C11orf65: variants seen among roughly 807,000 people sequenced by gnomAD.
C11orf65 encodes the protein chromosome 11 open reading frame 65, also known as protein MFI.
Under a neutral mutation model 35.3 loss-of-function variants are expected in C11orf65, and 38 were observed. The ratio of observed to expected loss-of-function variants is 1.08; its 90% confidence interval spans 0.83 to 1.41. The LOEUF is 1.41. Among genes scored for constraint, C11orf65 ranks in the 40% most tolerant of loss-of-function variants. The pLI is 0.00. For synonymous variants in C11orf65, 105 were observed against 114.4 expected, an observed-to-expected ratio of 0.92 and a Z score of 0.53; for missense variants, 370 against 367.1, an observed-to-expected ratio of 1.01 and a Z score of -0.06.
chr11:108,465,828 T>C (rs373943671), intron 1 of C11orf65, among the ~76,000 whole-genome samples: 14 of 151,536 alleles, frequency 9.2e-5, no homozygotes, highest in African/African-American at 3.4e-4. Context: ...CTACTAAAAA[T>C]ACAAAATTAG....
downstream of C11orf65, among the ~76,000 whole-genome samples, chr11:108,377,836 AACAG>A (rs1194879054): frequency 1.3e-5 from 2 of 152,040 alleles, no homozygotes; most frequent in African/African-American, 4.8e-5. Context: ...ATACACCAAT[AACAG>A]ACAAACAGAG....
chr11:108,426,543 G>C (rs990414155), intron 3 of C11orf65, among the ~76,000 whole-genome samples: 1 of 152,068 alleles, frequency 6.6e-6, no homozygotes, highest in Non-Finnish European at 1.5e-5. Context: ...TGAATAGGAA[G>C]AATCAATACT....
intron 2 of C11orf65, among the ~76,000 whole-genome samples, chr11:108,356,642 G>C (rs2089961070): frequency 6.6e-6 from 1 of 151,988 alleles, no homozygotes; most frequent in African/African-American, 2.4e-5. Context: ...AGTCAGAAGG[G>C]ATTTTTATGC....
chr11:108,442,643 A>G (rs1173855118), intron 2 of C11orf65, among the ~76,000 whole-genome samples: 1 of 152,226 alleles, frequency 6.6e-6, no homozygotes, highest in Non-Finnish European at 1.5e-5. Context: ...GAAACTCTAC[A>G]AGCCAGAAGA....
chr11:108,449,499 G>A (rs943850108), intron 2 of C11orf65, among the ~76,000 whole-genome samples: 2 of 151,948 alleles, frequency 1.3e-5, no homozygotes, highest in Admixed American at 6.5e-5. Flanking sequence ...ACAACCATCT[G>A]CTCTTTGACA....
At chr11:108,365,541 C>T in intron 2 of C11orf65, 1 of 1,604,020 alleles carries the variant, frequency 6.2e-7, no homozygotes, top group South Asian at 1.1e-5. Context: ...TTCATTCAGC[C>T]TTTAGAAATT....
chr11:108,452,207 A>T lies in C11orf65; in HGVS notation c.81+9272T>A, dbSNP rs534989300. ...GCACAGCAAAAGAAACTACCATCAG[A>T]GTGAACAGGCAACCTACAGAATGGG... On this transcript the variant is annotated intron_variant, in intron 2 of 8. Transcript: ENST00000393084. 2.5e-3 allele frequency among the ~76,000 whole-genome samples: 377 copies of T among 152,314 alleles called. 2 individuals are homozygous for T. Among genetic ancestry groups the T allele is most frequent in the African/African-American group, 8.8e-3 (364 of 41,580 alleles).
At position 108,406,835 on chromosome 11, in the gene C11orf65, A is replaced by T; in HGVS notation, c.357T>A (p.His119Gln). The change falls in exon 5 of 9, where the codon CAT becomes CAA. Residue 119 changes from histidine (H) to glutamine (Q), a missense_variant. Physicochemically the swap from His to Gln is conservative, Grantham distance 24 (BLOSUM62 0). Transcript: ENST00000393084. ...AGCCACTATGATCCTCTTCCTGAAG[A>T]TGATCATTTTTATTATGAGATGTAT... ...AKHTSHNKND[H>Q]LQEEDHSGWY... 3.1e-6 allele frequency: 5 copies of T among 1,613,386 alleles called. No individual in the cohort carries two copies. Among genetic ancestry groups the T allele is most frequent in the Non-Finnish European group, 2.5e-6 (3 of 1,179,598 alleles).
intron 6 of C11orf65, among the ~76,000 whole-genome samples, chr11:108,311,216 C>T (rs761774132): frequency 3.8e-4 from 58 of 152,122 alleles, no homozygotes; most frequent in Middle Eastern, 3.2e-3. Flanking sequence ...TTCAAGCAGT[C>T]CTCCCACCTC....
At chr11:108,466,911 G>A (rs552947807) in intron 1 of C11orf65, among the ~76,000 whole-genome samples, 42 of 152,220 alleles carry the variant, frequency 2.8e-4, no homozygotes, top group African/African-American at 1.0e-3. Flanking sequence ...AATGATTCGC[G>A]TGGCCTTTAT....
chr11:108,336,304 G>A (rs1016722130), intron 2 of C11orf65: 6 of 198,462 alleles, frequency 3.0e-5, no homozygotes, highest in Non-Finnish European at 5.2e-5. Context: ...GCAAGATCCC[G>A]TTTAAAAAAG....
chr11:108,341,497 G>A (rs1309602335), intron 2 of C11orf65, among the ~76,000 whole-genome samples: 1 of 152,020 alleles, frequency 6.6e-6, no homozygotes, highest in African/African-American at 2.4e-5. Flanking sequence ...CAGTGCCCTA[G>A]CCCTGTGTGT....
rs2136699335 is a variant in C11orf65 at position 108,335,942 on chromosome 11, T to C, written c.227-650A>G. On this transcript the variant is annotated intron_variant, in intron 2 of 3. Transcript: ENST00000524755. ...AACACGGAAACTAGGAAGAGGAAATTAACTATCTGTACTTATAAGGTAACT... is the reference window on the plus strand; with the variant it reads ...AACACGGAAACTAGGAAGAGGAAATCAACTATCTGTACTTATAAGGTAACT... The C allele has an allele frequency of 6.2e-7, 1 of 1,610,342 alleles. No individual in the cohort carries two copies. The highest frequency in any genetic ancestry group is 8.5e-7 in the Non-Finnish European group (1 of 1,176,626).
intron 2 of C11orf65, among the ~76,000 whole-genome samples, chr11:108,453,907 C>T (rs914534108): frequency 3.9e-5 from 6 of 152,116 alleles, no homozygotes; most frequent in Admixed American, 6.6e-5. Flanking sequence ...CTCATGTTGG[C>T]TTTGTAAATG....
At chr11:108,407,323 T>A (rs887143788) in intron 3 of C11orf65, among the ~76,000 whole-genome samples, 174 bp from the exon 4 acceptor site, 24 of 152,064 alleles carry the variant, frequency 1.6e-4, no homozygotes, top group Middle Eastern at 3.4e-3. Flanking sequence ...GTTAAAAAAA[T>A]TTTTTTGAGA....
At chr11:108,432,005 T>C (rs2092996812) in intron 2 of C11orf65, among the ~76,000 whole-genome samples, 167 bp from the exon 3 acceptor site, 1 of 152,208 alleles carries the variant, frequency 6.6e-6, no homozygotes, top group Non-Finnish European at 1.5e-5. Flanking sequence ...TTGATAACCC[T>C]AGTAGTATTA....
intron 6 of C11orf65, chr11:108,309,187 GAAC>G: frequency 1.8e-6 from 1 of 563,076 alleles, no homozygotes; most frequent in Non-Finnish European, 3.1e-6. Flanking sequence ...CAAAAACAAA[GAAC>G]AACAATAAAA....
chr11:108,411,845 T>C (rs1378990985), intron 3 of C11orf65, among the ~76,000 whole-genome samples: 1 of 151,812 alleles, frequency 6.6e-6, no homozygotes, highest in Non-Finnish European at 1.5e-5. Context: ...TGGAGTGCAG[T>C]GGTGTGATCT....
In C11orf65 at chr11:108,403,409, G is replaced by GTTTTTTTTTTT. The variant is rs71047691; in HGVS notation, c.560+2019_560+2020insAAAAAAAAAAA. Among the ~76,000 whole-genome samples the GTTTTTTTTTTT allele has an allele frequency of 6.7e-4, 45 of 67,280 alleles. 2 individuals are homozygous for GTTTTTTTTTTT. Among genetic ancestry groups the GTTTTTTTTTTT allele is most frequent in the Non-Finnish European group, 9.7e-4 (35 of 36,196 alleles). The allele number at this position is 67,280 out of a possible 152,430, so 44.1% of individuals were successfully genotyped here. A position where few individuals can be genotyped will look rare whatever the true frequency, so the allele number is the denominator to read the frequency against. On this transcript the variant is annotated intron_variant, in intron 6 of 8. Transcript: ENST00000393084. The stretch of plus-strand genomic sequence containing the variant: ...ACTTTAAAATGTGATTGTTTGAGAG[G>GTTTTTTTTTTT]TTTTTTTTTTGTTTTTTTTTTTTTT...
Sources: allele counts gnomAD v4.1 joint callset (sites outside exome capture counted in the v4.1 genomes callset), GRCh38; gene constraint gnomAD v4.1.1; transcripts MANE v1.5; gene names NCBI Gene and HGNC (gene_info 2026-07-23, HGNC 2026-07-21).